The following ACTG2 variants were observed in gnomAD, a reference collection of about 807,000 sequenced individuals.
ACTG2 encodes actin gamma 2, smooth muscle.
Under a neutral mutation model 37.6 loss-of-function variants are expected in ACTG2, and 16 were observed. That is an observed-to-expected ratio of 0.43 (90% confidence interval 0.29 to 0.65). The LOEUF (loss-of-function observed/expected upper bound fraction) is 0.65, where lower values mean the gene tolerates loss of function less well. Among genes scored for constraint, ACTG2 ranks in the 30% least tolerant of loss-of-function variants. ACTG2 has a pLI of 0.18. For synonymous variants in ACTG2, 181 were observed against 179.9 expected (o/e 1.01, Z -0.05); for missense variants, 238 against 490.9 (o/e 0.48, Z 4.87).
At chr2:73,908,612 C>T (rs527922879) in intron 3 of ACTG2, 61 bp from the exon 4 acceptor site, 248 of 1,377,168 alleles carry the variant, frequency 1.8e-4, no homozygotes, top group Non-Finnish European at 2.3e-4. Flanking sequence ...ATGGGAATGT[C>T]AATGAGAATT....
intron 1 of ACTG2, among the ~76,000 whole-genome samples, chr2:73,895,769 AAGAG>A (rs1258840472): frequency 1.3e-5 from 2 of 152,218 alleles, no homozygotes; most frequent in Non-Finnish European, 2.9e-5. Flanking sequence ...GGAGAAGAGT[AAGAG>A]AGATTAATAA....
chr2:73,918,340 C>A (rs183750216), intron 8 of ACTG2, among the ~76,000 whole-genome samples: 4 of 152,254 alleles, frequency 2.6e-5, no homozygotes, highest in Non-Finnish European at 4.4e-5. Context: ...AAGTGTCCAA[C>A]AATAAAATTT....
intron 1 of ACTG2, among the ~76,000 whole-genome samples, chr2:73,899,454 C>T (rs893113614): frequency 6.6e-6 from 1 of 151,868 alleles, no homozygotes; most frequent in Admixed American, 6.6e-5. Flanking sequence ...AGAGCAAGAC[C>T]CCATCTCAAA....
chr2:73,902,527 A>G, intron 3 of ACTG2, 39 bp downstream of exon 3: 1 of 1,611,754 alleles, frequency 6.2e-7, no homozygotes, highest in Non-Finnish European at 8.5e-7. Flanking sequence ...TGCTTTAATG[A>G]TCACCCATCA....
chr2:73,919,698 C>A lies in ACTG2; in HGVS notation c.*123C>A. On this transcript the variant is annotated 3_prime_UTR_variant, in exon 9 of 9. Transcript: ENST00000345517. ...TTTTTCCTGGGCTATGTCTCATACA[C>A]AGTGCTAAGGACTTTTCACACATTA... 8.8e-7 allele frequency: 1 copy of A among 1,134,368 alleles called. No individual in the cohort carries two copies. 70.3% of individuals were successfully genotyped at this position (1,134,368 alleles called of 1,614,324 possible). A position where few individuals can be genotyped will look rare whatever the true frequency, so the allele number is the denominator to read the frequency against.
intron 5 of ACTG2, among the ~76,000 whole-genome samples, chr2:73,911,706 G>T (rs1680143668): frequency 6.6e-6 from 1 of 152,216 alleles, no homozygotes; most frequent in Non-Finnish European, 1.5e-5. Flanking sequence ...TAGGCAATAA[G>T]AATTTTTCAG....
chr2:73,896,362 A>G (rs1236969999), intron 1 of ACTG2, among the ~76,000 whole-genome samples: 1 of 151,952 alleles, frequency 6.6e-6, no homozygotes, highest in Non-Finnish European at 1.5e-5. Context: ...AAAAAAAAAA[A>G]AAAGAAAAAC....
At position 73,909,195 on chromosome 2, in the gene ACTG2, T is replaced by A. The variant is rs1680076726; in HGVS notation, c.451+56T>A. The A allele has an allele frequency of 2.0e-6, 3 of 1,505,620 alleles. No homozygotes were observed. The African/African-American group carries it at 4.1e-5, about 21-fold the overall frequency. The allele number at this position is 1,505,620 out of a possible 1,614,324, so 93.3% of individuals were successfully genotyped here. A position where few individuals can be genotyped will look rare whatever the true frequency, so the allele number is the denominator to read the frequency against. Reference sequence around the variant, plus strand: ...GACTTCAGGGGAGGTAGGGAAAAGCTGGGGTCTGGCAGAGGCTCCTGCTCA... The same window carrying A: ...GACTTCAGGGGAGGTAGGGAAAAGCAGGGGTCTGGCAGAGGCTCCTGCTCA... On this transcript the variant is annotated intron_variant, in intron 5 of 8. Transcript: ENST00000345517.
chr2:73,902,949 T>C (rs986365532), intron 3 of ACTG2: 2 of 620,448 alleles, frequency 3.2e-6, no homozygotes, highest in African/African-American at 1.8e-5. Flanking sequence ...TGGTGCTGGC[T>C]CAAGAGAGGC....
At chr2:73,893,628 T>G (rs1679678312) in intron 1 of ACTG2, among the ~76,000 whole-genome samples, 1 of 152,062 alleles carries the variant, frequency 6.6e-6, no homozygotes, top group South Asian at 2.1e-4. Flanking sequence ...CATTGGGGGA[T>G]GGAGAAAATT....
chr2:73,910,365 C>CTTTTT (rs1190070765), intron 5 of ACTG2, among the ~76,000 whole-genome samples: 10 of 80,690 alleles, frequency 1.2e-4, no homozygotes, highest in East Asian at 3.9e-4. Context: ...CTTTTTTCGA[C>CTTTTT]TTTTTTTTTT....
chr2:73,914,253 A>G (rs1333414795), intron 6 of ACTG2, among the ~76,000 whole-genome samples: 15 of 152,098 alleles, frequency 9.9e-5, no homozygotes, highest in Non-Finnish European at 2.1e-4. Flanking sequence ...TCATCATCCT[A>G]TGACTGAACC....
intron 1 of ACTG2, among the ~76,000 whole-genome samples, chr2:73,895,406 C>T (rs1490100151): frequency 6.6e-6 from 1 of 152,086 alleles, no homozygotes; most frequent in Non-Finnish European, 1.5e-5. Context: ...TGAAGATATC[C>T]TGAAGTTAAT....
intron 7 of ACTG2, among the ~76,000 whole-genome samples, chr2:73,916,004 G>A (rs1037468991): frequency 6.6e-6 from 1 of 152,058 alleles, no homozygotes; most frequent in Non-Finnish European, 1.5e-5. Flanking sequence ...GAAAATGACT[G>A]AATTATATCT....
At chr2:73,913,805 C>T (rs1390567286) in intron 6 of ACTG2, among the ~76,000 whole-genome samples, 159 bp downstream of exon 6, 1 of 152,186 alleles carries the variant, frequency 6.6e-6, no homozygotes, top group Non-Finnish European at 1.5e-5. Context: ...CTGGATAAGA[C>T]CAGATAGTCA....
intron 1 of ACTG2, among the ~76,000 whole-genome samples, chr2:73,899,311 T>C (rs1679825837): frequency 6.6e-6 from 1 of 152,034 alleles, no homozygotes; most frequent in Admixed American, 6.6e-5. Context: ...AAAAAAATTT[T>C]TATATCAGCC....
chr2:73,912,667 T>C (rs2104819896), intron 5 of ACTG2, among the ~76,000 whole-genome samples: 1 of 152,302 alleles, frequency 6.6e-6, no homozygotes, highest in South Asian at 2.1e-4. Flanking sequence ...TACTGAACCA[T>C]CTAACTAGGT....
At chr2:73,901,707 C>A in intron 2 of ACTG2, 1 of 466,396 alleles carries the variant, frequency 2.1e-6, no homozygotes, top group Non-Finnish European at 3.6e-6. Flanking sequence ...GGGCCAAAAC[C>A]AACATACATC....
intron 3 of ACTG2, among the ~76,000 whole-genome samples, chr2:73,903,939 CAAAA>C (rs61362643): frequency 1.1e-5 from 1 of 90,022 alleles, no homozygotes; most frequent in Admixed American, 1.4e-4. Flanking sequence ...GACTCCGTCT[CAAAA>C]AAAAAAAAAA....
Sources: allele counts gnomAD v4.1 joint callset (sites outside exome capture counted in the v4.1 genomes callset), GRCh38; gene constraint gnomAD v4.1.1; transcripts MANE v1.5; gene names NCBI Gene and HGNC (gene_info 2026-07-23, HGNC 2026-07-21).